ROCK1: variants seen among roughly 807,000 people sequenced by gnomAD.
ROCK1 encodes the protein rho-associated protein kinase 1.
ROCK1 carries 36 observed loss-of-function variants against 196.8 expected under a neutral mutation model. The ratio of observed to expected loss-of-function variants is 0.18; its 90% CI spans 0.14 to 0.24. ROCK1 has a LOEUF of 0.24. ROCK1 is among the 10% of genes least tolerant of loss of function. The pLI, the probability that ROCK1 is intolerant of heterozygous loss-of-function variation, is 1.00. For missense variants in ROCK1, 920 were observed against 1,562.0 expected (o/e 0.59, Z 6.93); for synonymous variants, 443 against 515.9 (o/e 0.86, Z 1.91).
intron 13 of ROCK1, among the ~76,000 whole-genome samples, chr18:21,011,848 T>C (rs988054073): frequency 6.6e-6 from 1 of 152,230 alleles, no homozygotes; most frequent in Non-Finnish European, 1.5e-5. Context: ...TTAGACAATA[T>C]AATTTCTGCT....
At chr18:20,999,817 G>A (rs1472458364) in intron 16 of ROCK1, among the ~76,000 whole-genome samples, 1 of 152,172 alleles carries the variant, frequency 6.6e-6, no homozygotes, top group Non-Finnish European at 1.5e-5. Flanking sequence ...TGTAGAGACA[G>A]GCTTCGCCAT....
At position 21,042,551 on chromosome 18, in the gene ROCK1, T is replaced by C; in HGVS notation, c.820+14A>G. 1 of 1,612,240 alleles carries C rather than the reference T, an allele frequency of 6.2e-7. No homozygotes were observed. Among genetic ancestry groups the C allele is most frequent in the Non-Finnish European group, 8.5e-7 (1 of 1,179,126 alleles). ...ACAACTGTAATAGAGAGACATAAAA[T>C]CTTCCTTACTCACCTACAAGCATTT... On this transcript the variant is annotated intron_variant, in intron 7 of 32. Coordinates refer to ENST00000399799, the MANE Select transcript of ROCK1 (RefSeq NM_005406.3).
chr18:21,076,657 TCCC>T (rs2036433876), intron 1 of ROCK1, among the ~76,000 whole-genome samples: 1 of 141,810 alleles, frequency 7.1e-6, no homozygotes, highest in South Asian at 2.4e-4. Context: ...CAAGTGATCC[TCCC>T]CTCTTGGTAC....
intron 16 of ROCK1, among the ~76,000 whole-genome samples, chr18:21,001,723 C>A (rs1403956607): frequency 6.6e-6 from 1 of 151,700 alleles, no homozygotes; most frequent in Non-Finnish European, 1.5e-5. Context: ...CGAGATCATG[C>A]CACTGCACTG....
intron 12 of ROCK1, among the ~76,000 whole-genome samples, chr18:21,017,186 CTTTTTTTTT>C (rs774542704): frequency 1.0e-5 from 1 of 99,090 alleles, no homozygotes; most frequent in African/African-American, 4.3e-5. Flanking sequence ...TACCACACTT[CTTTTTTTTT>C]TTTTTTTTTT....
intron 1 of ROCK1, among the ~76,000 whole-genome samples, chr18:21,075,119 G>A (rs568803286): frequency 2.6e-5 from 4 of 152,290 alleles, no homozygotes; most frequent in South Asian, 4.1e-4. Flanking sequence ...GAATTTCTGC[G>A]GGGGAGAAAG....
Position 21,111,128 on chromosome 18 carries a change from C to A in ROCK1, c.-218G>T, listed in dbSNP as rs1394498319. 3.0e-5 allele frequency: 17 copies of A among 574,580 alleles called. No individual in the cohort carries two copies. Among genetic ancestry groups the A allele is most frequent in the Non-Finnish European group, 4.0e-5 (13 of 325,342 alleles). The allele number at this position is 574,580 out of a possible 1,614,324, so 35.6% of individuals were successfully genotyped here. A position where few individuals can be genotyped will look rare whatever the true frequency, so the allele number is the denominator to read the frequency against. On this transcript the variant is annotated 5_prime_UTR_variant, in exon 1 of 33. Transcript: ENST00000399799. This position sits in a 1 kb window ranked among gnomAD's most constrained non-coding sequence, Gnocchi z 4.2. ...CAGCGACCCACAGCCGCTCGGACGC[C>A]CAAAGTCGCATCCCACCCGGCAGCC...
chr18:20,959,369 G>A (rs1482714875), intron 29 of ROCK1, among the ~76,000 whole-genome samples: 2 of 147,620 alleles, frequency 1.4e-5, no homozygotes, highest in Non-Finnish European at 3.0e-5. Flanking sequence ...CTGCCACCAC[G>A]CCCAGCTAAT....
rs547176210 is a variant in ROCK1, at chr18:20,985,779, T to G, written c.2304+1171A>C. ...AGCTTTAATAGGTATCTCTAATTTC[T>G]CTTCTTTCTAGTCCATTCTATATAC... On this transcript the variant is annotated intron_variant, in intron 19 of 32. Coordinates refer to ENST00000399799, the MANE Select transcript of ROCK1 (RefSeq NM_005406.3). Among the ~76,000 whole-genome samples, 5 of 152,288 alleles carry G rather than the reference T, an allele frequency of 3.3e-5. No individual in the cohort carries two copies. In the South Asian group the frequency reaches 1.0e-3, roughly 32 times the overall value.
intron 32 of ROCK1, among the ~76,000 whole-genome samples, chr18:20,952,278 A>T (rs188577475): frequency 2.1e-4 from 32 of 152,136 alleles, no homozygotes; most frequent in Non-Finnish European, 3.8e-4. Context: ...GCTACTCAGG[A>T]GGCTGAGGTG....
intron 1 of ROCK1, among the ~76,000 whole-genome samples, chr18:21,098,147 G>A (rs1381499768): frequency 6.6e-6 from 1 of 152,164 alleles, no homozygotes; most frequent in Non-Finnish European, 1.5e-5. Flanking sequence ...AGCAGGGGTG[G>A]AGATGGCCCT....
intron 29 of ROCK1, among the ~76,000 whole-genome samples, chr18:20,959,130 T>A (rs1433149178): frequency 2.2e-4 from 11 of 50,438 alleles, no homozygotes; most frequent in Admixed American, 8.0e-4. Context: ...AATATATATA[T>A]TATATATATT....
rs148629580 is a variant in ROCK1, at chr18:21,032,375, A to C, written c.1052-3440T>G. Among the ~76,000 whole-genome samples the C allele has an allele frequency of 8.0e-3, 1,213 of 152,324 alleles. 17 individuals carry two copies. The highest frequency in any genetic ancestry group is 0.027 in the African/African-American group (1,143 of 41,570). ...TAACTAATAAGAAAATGACTAAAAA[A>C]TATACAGAAAAGGAAAAGAAGAAGG... is the stretch of plus-strand genomic sequence containing the variant. On this transcript the variant is annotated intron_variant, in intron 9 of 32. Coordinates refer to ENST00000399799, the MANE Select transcript of ROCK1 (RefSeq NM_005406.3).
At chr18:21,009,683 G>A (rs570478318) in intron 13 of ROCK1, among the ~76,000 whole-genome samples, 2 of 152,226 alleles carry the variant, frequency 1.3e-5, no homozygotes, top group African/African-American at 4.8e-5. Context: ...CAATGTCCAA[G>A]TGATCTAGTT....
chr18:20,954,488 A>G (rs1173631857), intron 31 of ROCK1, among the ~76,000 whole-genome samples: 1 of 151,982 alleles, frequency 6.6e-6, no homozygotes, highest in African/African-American at 2.4e-5. Flanking sequence ...AGATAGGAGA[A>G]TCACTTGAAC....
chr18:20,974,247 G>A (rs959191531), intron 22 of ROCK1, among the ~76,000 whole-genome samples: 36 of 152,302 alleles, frequency 2.4e-4, no homozygotes, highest in African/African-American at 8.4e-4. Flanking sequence ...GGAAAAGCTG[G>A]AGATCTGAGT....
At chr18:21,080,316 G>GAC (rs1227296349) in intron 1 of ROCK1, among the ~76,000 whole-genome samples, 7 of 152,114 alleles carry the variant, frequency 4.6e-5, no homozygotes, top group African/African-American at 1.7e-4. Context: ...AAGAAGCCCA[G>GAC]ACATTGGACT....
intron 7 of ROCK1, 23 bp from the exon 8 acceptor site, chr18:21,042,258 A>C: frequency 1.3e-6 from 2 of 1,547,094 alleles, no homozygotes; most frequent in Non-Finnish European, 1.7e-6. Context: ...TAAAGAAAAC[A>C]AAAGCAAAAT....
chr18:20,978,130 A>T (rs1402696034), intron 22 of ROCK1, among the ~76,000 whole-genome samples: 3 of 152,196 alleles, frequency 2.0e-5, no homozygotes, highest in Non-Finnish European at 4.4e-5. Context: ...ATTGTAATCA[A>T]GTCAACAAAG....
Sources: gnomAD v4.1 joint callset for allele counts (sites outside exome capture counted in the v4.1 genomes callset) on GRCh38, gnomAD v4.1.1 for gene constraint, Gnocchi (gnomAD v3.1) non-coding constraint, MANE v1.5 for transcripts, NCBI Gene and HGNC (gene_info 2026-07-23, HGNC 2026-07-21) for gene names.